The following ITPR2 variants were observed in gnomAD, a reference collection of about 807,000 sequenced individuals.
ITPR2 encodes the protein inositol 1,4,5-trisphosphate-gated calcium channel ITPR2.
In ITPR2, 207 loss-of-function variants were observed where a neutral mutation model predicts 317.1. The ratio of observed to expected loss-of-function variants is 0.65; its 90% CI spans 0.58 to 0.73. The LOEUF (loss-of-function observed/expected upper bound fraction) is 0.73, where lower values mean the gene tolerates loss of function less well. Ranked by LOEUF, ITPR2 falls within the 30% of genes least tolerant of loss-of-function variation. The pLI, the probability that ITPR2 is intolerant of heterozygous loss-of-function variation, is 0.00. For missense variants in ITPR2, 2,613 were observed against 3,284.0 expected (o/e 0.80, Z 4.99); for synonymous variants, 1,156 against 1,149.1 (o/e 1.01, Z -0.12).
At chr12:26,375,519 C>T (rs1307359080) in intron 55 of ITPR2, among the ~76,000 whole-genome samples, 1 of 152,160 alleles carries the variant, frequency 6.6e-6, no homozygotes, top group South Asian at 2.1e-4. Context: ...CTTTCAGAGC[C>T]CCACCATGAA....
chr12:26,626,981 T>A (rs1039365578), intron 23 of ITPR2, among the ~76,000 whole-genome samples: 1 of 152,256 alleles, frequency 6.6e-6, no homozygotes. Context: ...TTAATATTTC[T>A]TAGTTTTTCT....
intron 45 of ITPR2, among the ~76,000 whole-genome samples, chr12:26,462,912 TCTA>T (rs1222148514): frequency 5.9e-5 from 9 of 152,150 alleles, no homozygotes; most frequent in Admixed American, 5.9e-4. Flanking sequence ...CCTCAAATGA[TCTA>T]CCTGCCTCAG....
intron 21 of ITPR2, among the ~76,000 whole-genome samples, chr12:26,639,723 T>C (rs1946942169): frequency 6.6e-6 from 1 of 150,994 alleles, no homozygotes; most frequent in Admixed American, 6.6e-5. Flanking sequence ...ATGCGGTGTT[T>C]GGTTTTTTGT....
chr12:26,832,930 C>A lies in ITPR2; in HGVS notation c.-149G>T, dbSNP rs1196008675. On this transcript the variant is annotated 5_prime_UTR_variant, in exon 1 of 57. Transcript: ENST00000381340. The stretch of plus-strand genomic sequence containing the variant: ...GGAGGGCACGGCCCGAGCCACTGAG[C>A]GTCGCGGCTCAGCCGTGCGTGCGCG... 4 of 634,274 alleles carry A rather than the reference C, an allele frequency of 6.3e-6. No individual in the cohort carries two copies. Among genetic ancestry groups the A allele is most frequent in the African/African-American group, 3.9e-5 (2 of 50,678 alleles). The allele number at this position is 634,274 out of a possible 1,614,324, so 39.3% of individuals were successfully genotyped here.
intron 47 of ITPR2, 23 bp downstream of exon 47, chr12:26,439,104 C>T (rs914814659): frequency 1.8e-5 from 27 of 1,482,698 alleles, no homozygotes; most frequent in Non-Finnish European, 2.4e-5. Flanking sequence ...ACAAAACTAA[C>T]CATTTCAGTT....
intron 41 of ITPR2, 76 bp downstream of exon 41, chr12:26,486,028 T>A (rs1942656476): frequency 1.3e-6 from 2 of 1,511,748 alleles, no homozygotes; most frequent in African/African-American, 2.8e-5. Context: ...CGAAACTACT[T>A]GTTGGTTTTA....
intron 32 of ITPR2, among the ~76,000 whole-genome samples, chr12:26,585,738 G>T (rs1265373993): frequency 1.3e-5 from 2 of 152,142 alleles, no homozygotes; most frequent in East Asian, 3.9e-4. Context: ...CCCAAGGACA[G>T]ATTTTTGGAG....
chr12:26,689,638 G>C (rs1005025241), intron 10 of ITPR2, among the ~76,000 whole-genome samples: 4 of 152,100 alleles, frequency 2.6e-5, no homozygotes, highest in Non-Finnish European at 4.4e-5. Context: ...AAATCTGATG[G>C]TGACACTAAA....
chr12:26,555,173 C>A (rs1244876340), intron 36 of ITPR2, among the ~76,000 whole-genome samples: 1 of 152,204 alleles, frequency 6.6e-6, no homozygotes, highest in Admixed American at 6.5e-5. Context: ...TTTCTCATCC[C>A]ATACCTTGTT....
Position 26,391,286 on chromosome 12 carries a change from G to A in ITPR2, c.7697-3692C>T, listed in dbSNP as rs184990824. Among the ~76,000 whole-genome samples the A allele has an allele frequency of 3.5e-3, 536 of 152,198 alleles. 8 individuals are homozygous for A. Among genetic ancestry groups the A allele is most frequent in the African/African-American group, 0.012 (506 of 41,534 alleles). On this transcript the variant is annotated intron_variant, in intron 54 of 56. Transcript: ENST00000381340. ...GCTCAAGTTAATATCCCTATTTAGC[G>A]GAAGAGTCAATTAGTATTTAAATAA...
chr12:26,742,709 G>T (rs1448369049), intron 2 of ITPR2, among the ~76,000 whole-genome samples: 1 of 151,958 alleles, frequency 6.6e-6, no homozygotes, highest in East Asian at 1.9e-4. Flanking sequence ...AGCTACTCAG[G>T]AGGCTGAGTC....
At chr12:26,820,772 C>T (rs182780779) in intron 1 of ITPR2, among the ~76,000 whole-genome samples, 226 of 152,268 alleles carry the variant, frequency 1.5e-3, no homozygotes, top group Non-Finnish European at 2.1e-3. Context: ...GATCATATGT[C>T]TACAATGGAA....
intron 9 of ITPR2, among the ~76,000 whole-genome samples, chr12:26,701,577 T>A (rs1045913764): frequency 6.6e-6 from 1 of 152,228 alleles, no homozygotes; most frequent in Non-Finnish European, 1.5e-5. Flanking sequence ...CTGGTCTGTA[T>A]GTTAGTCTGC....
chr12:26,386,557 C>CAAAT (rs1489863984), intron 55 of ITPR2, among the ~76,000 whole-genome samples: 1 of 151,856 alleles, frequency 6.6e-6, no homozygotes, highest in Non-Finnish European at 1.5e-5. Flanking sequence ...AGCATTGGTG[C>CAAAT]AAATATTGGT....
intron 45 of ITPR2, among the ~76,000 whole-genome samples, chr12:26,453,756 T>TC (rs1941802131): frequency 6.6e-6 from 1 of 152,222 alleles, no homozygotes; most frequent in Non-Finnish European, 1.5e-5. Context: ...GCTGGATATT[T>TC]CCCATCCACG....
intron 47 of ITPR2, among the ~76,000 whole-genome samples, chr12:26,436,615 C>A (rs1335273617): frequency 1.3e-5 from 2 of 152,142 alleles, no homozygotes; most frequent in African/African-American, 4.8e-5. Context: ...TAAAGGTGGT[C>A]AGAAAAGGTG....
intron 49 of ITPR2, among the ~76,000 whole-genome samples, chr12:26,426,873 AGTT>A (rs1941077055): frequency 6.6e-6 from 1 of 150,686 alleles, no homozygotes; most frequent in South Asian, 2.1e-4. Flanking sequence ...GTTAAATATT[AGTT>A]ATTATTAAAT....
chr12:26,643,388 G>A (rs761818481), intron 21 of ITPR2, among the ~76,000 whole-genome samples: 1 of 152,198 alleles, frequency 6.6e-6, no homozygotes, highest in African/African-American at 2.4e-5. Flanking sequence ...GTGGGTAGAG[G>A]CTGGAAGAGT....
At chr12:26,718,562 A>C (rs1350143330) in intron 5 of ITPR2, among the ~76,000 whole-genome samples, 3 of 149,200 alleles carry the variant, frequency 2.0e-5, no homozygotes, top group African/African-American at 7.3e-5. Context: ...ATATATACAA[A>C]TATGTGCATA....
Sources: allele counts gnomAD v4.1 joint callset (sites outside exome capture counted in the v4.1 genomes callset), GRCh38; gene constraint gnomAD v4.1.1; transcripts MANE v1.5; gene names NCBI Gene and HGNC (gene_info 2026-07-23, HGNC 2026-07-21).